PACRG: variants seen among roughly 807,000 people sequenced by gnomAD.
The protein encoded by PACRG is parkin coregulated gene protein.
A neutral mutation model predicts 29.7 loss-of-function variants in PACRG; 29 were observed. That is an observed-to-expected ratio of 0.98 (90% CI 0.73 to 1.33). The LOEUF (loss-of-function observed/expected upper bound fraction) is 1.33, where lower values mean the gene tolerates loss of function less well. Among genes scored for constraint, PACRG ranks in the 40% most tolerant of loss-of-function variants. The pLI is 0.00. For synonymous variants in PACRG, 116 were observed against 118.7 expected (o/e 0.98, Z 0.15); for missense variants, 279 against 316.2 (o/e 0.88, Z 0.89).
At chr6:162,761,956 A>AAC (rs1782400752) in intron 1 of PACRG, among the ~76,000 whole-genome samples, 1 of 109,138 alleles carries the variant, frequency 9.2e-6, no homozygotes, top group Non-Finnish European at 1.7e-5. Flanking sequence ...AAAAAAAGAA[A>AAC]CCCCCCCCCA....
intron 4 of PACRG, among the ~76,000 whole-genome samples, chr6:163,104,573 A>G (rs954308449): frequency 6.6e-6 from 1 of 152,220 alleles, no homozygotes; most frequent in South Asian, 2.1e-4. Context: ...CAAAGAGACC[A>G]GAGTCTCTGT....
chr6:162,958,915 A>G (rs1800364980), intron 2 of PACRG, among the ~76,000 whole-genome samples: 1 of 140,534 alleles, frequency 7.1e-6, no homozygotes, highest in East Asian at 2.1e-4. Context: ...AGAGAGAGAG[A>G]GAGAGAGAGA....
At chr6:162,902,838 G>T (rs1795652610) in intron 2 of PACRG, among the ~76,000 whole-genome samples, 1 of 152,044 alleles carries the variant, frequency 6.6e-6, no homozygotes, top group Non-Finnish European at 1.5e-5. Flanking sequence ...TTATCAATTT[G>T]ACCCCATAAC....
chr6:163,189,262 A>G (rs1780093025), intron 4 of PACRG, among the ~76,000 whole-genome samples: 1 of 152,282 alleles, frequency 6.6e-6, no homozygotes, highest in Non-Finnish European at 1.5e-5. Flanking sequence ...TGACAAATGC[A>G]TAACAGCTCT....
Position 162,932,765 on chromosome 6 carries a change from C to G in PACRG, c.291+118484C>G, listed in dbSNP as rs529725784. ...CTAATTTTACTTATTTGGCTCTTCTCTCTTTTTTTCTTTGTCTAGCTAAAG... is the reference window on the plus strand; with the variant it reads ...CTAATTTTACTTATTTGGCTCTTCTGTCTTTTTTTCTTTGTCTAGCTAAAG... On this transcript the variant is annotated intron_variant, in intron 2 of 4. Transcript: ENST00000366888. 9.2e-5 allele frequency among the ~76,000 whole-genome samples: 14 copies of G among 151,948 alleles called. No homozygotes were observed. The South Asian group carries it at 2.9e-3, about 32-fold the overall frequency.
rs377029137 is a variant in PACRG, at chr6:162,728,752, A to G, written c.156+361A>G. Among the ~76,000 whole-genome samples, 18 of 152,360 alleles carry G rather than the reference A, an allele frequency of 1.2e-4. No homozygotes were observed. In the East Asian group the frequency reaches 2.9e-3, roughly 25 times the overall value. ...GGCCTTATAGAAGGTGAGTTCTTAG[A>G]AATCATAAACTCTTGCAAAATTTAA... On this transcript the variant is annotated intron_variant, in intron 1 of 4. Transcript: ENST00000366888.
At chr6:163,083,963 T>C (rs1397352078) in intron 3 of PACRG, among the ~76,000 whole-genome samples, 1 of 152,134 alleles carries the variant, frequency 6.6e-6, no homozygotes, top group African/African-American at 2.4e-5. Flanking sequence ...ACATGTAGCA[T>C]ATAACCATTT....
intron 1 of PACRG, among the ~76,000 whole-genome samples, chr6:162,805,577 G>C (rs1332186822): frequency 1.3e-5 from 2 of 152,168 alleles, no homozygotes; most frequent in African/African-American, 4.8e-5. Flanking sequence ...TTTCTCTGTA[G>C]CATGTGATGC....
intron 4 of PACRG, among the ~76,000 whole-genome samples, chr6:163,105,531 A>T (rs1206316493): frequency 6.6e-6 from 1 of 152,172 alleles, no homozygotes; most frequent in Non-Finnish European, 1.5e-5. Flanking sequence ...CCAGAAAAAA[A>T]ACTGCTTAAA....
intron 4 of PACRG, among the ~76,000 whole-genome samples, chr6:163,137,046 A>C (rs563066002): frequency 3.3e-5 from 5 of 152,218 alleles, no homozygotes; most frequent in Non-Finnish European, 7.3e-5. Flanking sequence ...TACTTTAACT[A>C]TTCTGAGATA....
chr6:162,859,125 AT>A (rs1004817405), intron 2 of PACRG, among the ~76,000 whole-genome samples: 61 of 148,556 alleles, frequency 4.1e-4, no homozygotes, highest in African/African-American at 1.3e-3. Context: ...CCTCTCTATC[AT>A]TTTTTTTTTC....
At chr6:162,779,259 A>G (rs751864059) in intron 1 of PACRG, among the ~76,000 whole-genome samples, 1 of 152,124 alleles carries the variant, frequency 6.6e-6, no homozygotes, top group Non-Finnish European at 1.5e-5. Context: ...TATGTACCAC[A>G]TTTTCTTTAT....
chr6:162,971,734 C>G (rs762630594), intron 2 of PACRG, among the ~76,000 whole-genome samples: 1 of 152,198 alleles, frequency 6.6e-6, no homozygotes, highest in African/African-American at 2.4e-5. Flanking sequence ...ACTAACCATT[C>G]TTTCCTAACA....
chr6:162,894,532 A>C (rs1795020878), intron 2 of PACRG, among the ~76,000 whole-genome samples: 1 of 152,178 alleles, frequency 6.6e-6, no homozygotes, highest in South Asian at 2.1e-4. Context: ...GGTTTTGAAA[A>C]AGAGCTCTAT....
chr6:163,156,686 G>C (rs1239134110), intron 4 of PACRG, among the ~76,000 whole-genome samples: 1 of 152,170 alleles, frequency 6.6e-6, no homozygotes, highest in Non-Finnish European at 1.5e-5. Flanking sequence ...AGTCCACATA[G>C]GTCATACAGG....
intron 1 of PACRG, among the ~76,000 whole-genome samples, chr6:162,755,736 CCTTT>C (rs1781866212): frequency 6.6e-6 from 1 of 152,158 alleles, no homozygotes; most frequent in Non-Finnish European, 1.5e-5. Flanking sequence ...GGCACCTAGC[CCTTT>C]CTTCTTTTTT....
In PACRG at chr6:163,154,707, T is replaced by C. The variant is rs189125991; in HGVS notation, c.613+65299T>C. The stretch of plus-strand genomic sequence containing the variant: ...TTTTTTTAAATATAAGTATGTGTCA[T>C]GAAATATTTAAGACATGCTTATACT... On this transcript the variant is annotated intron_variant, in intron 4 of 4. Transcript: ENST00000366888. Among the ~76,000 whole-genome samples, 26 of 152,332 alleles carry C rather than the reference T, an allele frequency of 1.7e-4. No homozygotes were observed. The East Asian group carries it at 4.8e-3, about 28-fold the overall frequency.
At chr6:162,892,459 A>G (rs1333766244) in intron 2 of PACRG, among the ~76,000 whole-genome samples, 1 of 152,178 alleles carries the variant, frequency 6.6e-6, no homozygotes. Context: ...ATCTAGATCT[A>G]TTTTGAAAAT....
At chr6:162,870,032 C>G (rs943986638) in intron 2 of PACRG, among the ~76,000 whole-genome samples, 2 of 152,104 alleles carry the variant, frequency 1.3e-5, no homozygotes, top group Non-Finnish European at 2.9e-5. Flanking sequence ...AGATGATCTG[C>G]CCCTGGGAGA....
Sources: allele counts gnomAD v4.1 joint callset (sites outside exome capture counted in the v4.1 genomes callset), GRCh38; gene constraint gnomAD v4.1.1; transcripts MANE v1.5; gene names NCBI Gene and HGNC (gene_info 2026-07-23, HGNC 2026-07-21).